GRAMD1B: variants seen among roughly 807,000 people sequenced by gnomAD.
GRAMD1B encodes protein Aster-B.
GRAMD1B carries 37 observed loss-of-function variants against 99.7 expected under a neutral mutation model. The ratio of observed to expected loss-of-function variants is 0.37; its 90% confidence interval spans 0.29 to 0.49. The LOEUF is 0.49. Ranked by LOEUF, GRAMD1B falls within the 20% of genes least tolerant of loss-of-function variation. GRAMD1B has a pLI of 0.98. For missense variants in GRAMD1B, 888 were observed against 1,009.2 expected (o/e 0.88, Z 1.63); for synonymous variants, 427 against 387.6 (o/e 1.10, Z -1.19).
intron 1 of GRAMD1B, among the ~76,000 whole-genome samples, chr11:123,466,487 A>G (rs1591615741): frequency 6.6e-6 from 1 of 151,514 alleles, no homozygotes; most frequent in African/African-American, 2.4e-5. Flanking sequence ...GAAAGAAAGA[A>G]AAAGAAAGAA....
chr11:123,543,019 C>T (rs1394199442), intron 2 of GRAMD1B, among the ~76,000 whole-genome samples: 1 of 151,954 alleles, frequency 6.6e-6, no homozygotes, highest in Non-Finnish European at 1.5e-5. Context: ...TTGTTTCTTC[C>T]CTGTCTACCT....
chr11:123,396,458 T>G (rs1208104374), intron 1 of GRAMD1B, among the ~76,000 whole-genome samples: 2 of 152,138 alleles, frequency 1.3e-5, no homozygotes, highest in Non-Finnish European at 2.9e-5. Flanking sequence ...GTATTTTTAG[T>G]AGAGATGGGG....
intron 1 of GRAMD1B, among the ~76,000 whole-genome samples, chr11:123,401,094 G>C (rs113359591): frequency 6.6e-6 from 1 of 152,144 alleles, no homozygotes; most frequent in Non-Finnish European, 1.5e-5. Context: ...ATATGAAGTA[G>C]GTTCTCTTAT....
chr11:123,495,114 T>TACACACACAC (rs10695354), intron 2 of GRAMD1B, among the ~76,000 whole-genome samples: 1,612 of 148,630 alleles, frequency 0.011, 22 homozygotes, highest in African/African-American at 0.033. Context: ...TATATATACA[T>TACACACACAC]ACACACACAC....
intron 7 of GRAMD1B, chr11:123,598,527 C>T: frequency 2.7e-6 from 4 of 1,491,270 alleles, no homozygotes; most frequent in Non-Finnish European, 3.7e-6. Flanking sequence ...TTACTTGGTG[C>T]CCTTTGACTT....
chr11:123,496,809 A>G (rs1939342748), intron 2 of GRAMD1B, among the ~76,000 whole-genome samples: 1 of 151,932 alleles, frequency 6.6e-6, no homozygotes, highest in Admixed American at 6.6e-5. Context: ...CATTTTAATA[A>G]TTTCAATCTC....
Position 123,430,829 on chromosome 11 carries a change from C to A in GRAMD1B, c.37C>A (p.Pro13Thr). The change falls in exon 1 of 20, where the codon CCC (proline) becomes ACC (threonine). Residue 13 changes from proline to threonine, a missense_variant. Pro to Thr is a conservative substitution (Grantham distance 38, BLOSUM62 -1). Transcript: ENST00000635736. ...AANMMENRPL[P>T]ALQVPEPQGA... ...CAACATGATGGAGAACCGGCCGCTG[C>A]CCGCCCTGCAGGTGCCCGAGCCGCA... 1.4e-6 allele frequency: 1 copy of A among 697,148 alleles called. No individual in the cohort carries two copies. Among genetic ancestry groups the A allele is most frequent in the Non-Finnish European group, 2.6e-6 (1 of 382,504 alleles). 43.2% of individuals were successfully genotyped at this position (697,148 alleles called of 1,614,324 possible). A position where few individuals can be genotyped will look rare whatever the true frequency, so the allele number is the denominator to read the frequency against.
At chr11:123,450,413 C>T (rs80267277) in intron 1 of GRAMD1B, among the ~76,000 whole-genome samples, 1 of 152,156 alleles carries the variant, frequency 6.6e-6, no homozygotes, top group Non-Finnish European at 1.5e-5. Flanking sequence ...TGAACATACA[C>T]TACATGCCAG....
intron 13 of GRAMD1B, 37 bp downstream of exon 13, chr11:123,609,950 G>C: frequency 8.5e-7 from 1 of 1,182,684 alleles, no homozygotes; most frequent in Non-Finnish European, 1.2e-6. Context: ...GAGCGAGCTG[G>C]AAAATCCTGT....
chr11:123,431,273 C>T (rs1948874527), intron 1 of GRAMD1B, 107 bp downstream of exon 1: 6 of 596,306 alleles, frequency 1.0e-5, no homozygotes, highest in South Asian at 1.0e-4. Flanking sequence ...GAACAGGAGC[C>T]CGTCACCAGA....
Position 123,610,930 on chromosome 11 carries a change from C to G in GRAMD1B, c.1919+592C>G, listed in dbSNP as rs1953453293. On this transcript the variant is annotated intron_variant, in intron 14 of 19. Transcript: ENST00000635736. The surrounding 1 kb of genome is among the most constrained non-coding windows in gnomAD (Gnocchi z 4.1). ...AATTAGTTCTGGGCACTGTGAAGTG[C>G]TTCCAAAGGAAGGAAGACATTTAGA... Among the ~76,000 whole-genome samples, 3 of 152,178 alleles carry G rather than the reference C, an allele frequency of 2.0e-5. No individual in the cohort carries two copies. Among genetic ancestry groups the G allele is most frequent in the Non-Finnish European group, 4.4e-5 (3 of 68,042 alleles).
chr11:123,414,323 G>A (rs1948155330), intron 1 of GRAMD1B, among the ~76,000 whole-genome samples: 1 of 152,122 alleles, frequency 6.6e-6, no homozygotes, highest in South Asian at 2.1e-4. Flanking sequence ...GGGATTACAG[G>A]CATGAGCCAC....
At chr11:123,609,046 T>C (rs1178370484) in intron 12 of GRAMD1B, among the ~76,000 whole-genome samples, 3 of 152,056 alleles carry the variant, frequency 2.0e-5, no homozygotes, top group Non-Finnish European at 4.4e-5. Context: ...AGGCACTCGA[T>C]GCCGGCCCCT....
intron 1 of GRAMD1B, among the ~76,000 whole-genome samples, chr11:123,457,083 A>C: frequency 6.8e-6 from 1 of 146,996 alleles, no homozygotes; most frequent in East Asian, 2.0e-4. Flanking sequence ...CTGCACTCTA[A>C]CCTGGGTGAC....
At chr11:123,593,156 C>T (rs1290592564) in intron 4 of GRAMD1B, among the ~76,000 whole-genome samples, 9 of 151,614 alleles carry the variant, frequency 5.9e-5, no homozygotes, top group South Asian at 2.1e-4. Flanking sequence ...CGCTTGAACC[C>T]GGGAGGTGGA....
At chr11:123,496,923 A>G (rs970964103) in intron 2 of GRAMD1B, among the ~76,000 whole-genome samples, 4 of 152,132 alleles carry the variant, frequency 2.6e-5, no homozygotes, top group Non-Finnish European at 5.9e-5. Context: ...CTGAAAAGTC[A>G]CATATCTCTG....
chr11:123,570,497 C>G (rs573214549), intron 2 of GRAMD1B, among the ~76,000 whole-genome samples: 2 of 146,586 alleles, frequency 1.4e-5, no homozygotes, highest in Non-Finnish European at 3.0e-5. Flanking sequence ...AATCTCAACT[C>G]CCTGAAACCT....
chr11:123,590,521 C>T (rs1404766129), intron 4 of GRAMD1B, among the ~76,000 whole-genome samples: 1 of 152,162 alleles, frequency 6.6e-6, no homozygotes, highest in Non-Finnish European at 1.5e-5. Context: ...GGACATTGGC[C>T]GGGACCATCA....
chr11:123,543,867 A>T (rs1944787502), intron 2 of GRAMD1B, among the ~76,000 whole-genome samples: 1 of 152,160 alleles, frequency 6.6e-6, no homozygotes. Flanking sequence ...GTTGTCTGTG[A>T]CTGCTCTTGC....
Sources: allele counts gnomAD v4.1 joint callset (sites outside exome capture counted in the v4.1 genomes callset), GRCh38; gene constraint gnomAD v4.1.1; non-coding constraint Gnocchi (gnomAD v3.1); transcripts MANE v1.5; gene names NCBI Gene and HGNC (gene_info 2026-07-23, HGNC 2026-07-21).